Variants in RYR2 observed in about 807,000 individuals in gnomAD.
RYR2 encodes cardiac muscle ryanodine receptor-calcium release channel.
Under a neutral mutation model 601.1 loss-of-function variants are expected in RYR2, and 227 were observed. The observed-to-expected ratio is 0.38, with a 90% CI of 0.34 to 0.42. The LOEUF is 0.42. Ranked by LOEUF, RYR2 falls within the 10% of genes least tolerant of loss-of-function variation. The pLI, the probability that RYR2 is intolerant of heterozygous loss-of-function variation, is 1.00. For missense variants in RYR2, 4,646 were observed against 6,156.5 expected (o/e 0.75, Z 8.21); for synonymous variants, 2,223 against 2,175.1 (o/e 1.02, Z -0.61).
chr1:237,188,511 C>G (rs1056551507), intron 1 of RYR2, among the ~76,000 whole-genome samples: 6 of 152,102 alleles, frequency 3.9e-5, no homozygotes, highest in Non-Finnish European at 7.4e-5. Context: ...ACATGTAAAC[C>G]TCTGAGCTCA....
At chr1:237,669,835 TC>T (rs1684735956) in intron 58 of RYR2, among the ~76,000 whole-genome samples, 1 of 141,322 alleles carries the variant, frequency 7.1e-6, no homozygotes, top group South Asian at 2.3e-4. Context: ...GCTCCTCACA[TC>T]CCAGATGATG....
At chr1:237,398,059 G>A (rs187526655) in intron 10 of RYR2, among the ~76,000 whole-genome samples, 1 of 152,110 alleles carries the variant, frequency 6.6e-6, no homozygotes, top group African/African-American at 2.4e-5. Flanking sequence ...AGTCTGTTCT[G>A]TCAGTCTTCT....
chr1:237,106,424 G>A lies in RYR2; in HGVS notation c.48+63855G>A, dbSNP rs1029621854. Reference sequence around the variant, plus strand: ...TCCTCATGGTTCTGATGAGGGTTGAGAGAGAGAAGGGGAGTCCGGATCATC... The same window carrying A: ...TCCTCATGGTTCTGATGAGGGTTGAAAGAGAGAAGGGGAGTCCGGATCATC... On this transcript the variant is annotated intron_variant, in intron 1 of 104. Transcript: ENST00000366574. The surrounding 1 kb of genome is among the most constrained non-coding windows in gnomAD (Gnocchi z 4.4). 2.6e-5 allele frequency among the ~76,000 whole-genome samples: 4 copies of A among 152,164 alleles called. No homozygotes were observed. Among genetic ancestry groups the A allele is most frequent in the African/African-American group, 9.7e-5 (4 of 41,436 alleles).
chr1:237,373,216 T>C (rs559441218), intron 6 of RYR2, among the ~76,000 whole-genome samples: 2 of 152,336 alleles, frequency 1.3e-5, no homozygotes, highest in African/African-American at 4.8e-5. Flanking sequence ...CAGACTGACA[T>C]TTCTGCTGTG....
intron 34 of RYR2, 122 bp downstream of exon 34, chr1:237,595,779 A>C: frequency 3.3e-6 from 4 of 1,222,244 alleles, no homozygotes; most frequent in African/African-American, 1.5e-5. Context: ...CCCTGGTCTG[A>C]AAATCAGCCG....
chr1:237,826,162 T>C (rs1356406956), intron 101 of RYR2, among the ~76,000 whole-genome samples: 1 of 152,194 alleles, frequency 6.6e-6, no homozygotes, highest in East Asian at 1.9e-4. Flanking sequence ...ATCTTATTAC[T>C]GGGGATATAT....
chr1:237,408,262 T>C (rs1000022284), intron 10 of RYR2, among the ~76,000 whole-genome samples: 7 of 151,990 alleles, frequency 4.6e-5, no homozygotes, highest in African/African-American at 1.7e-4. Flanking sequence ...TCTAGATTAG[T>C]TTTTCTACAC....
At chr1:237,179,378 A>ATGTAATGCCCCAGCATCTCT (rs1259811394) in intron 1 of RYR2, among the ~76,000 whole-genome samples, 1 of 151,828 alleles carries the variant, frequency 6.6e-6, no homozygotes, top group Non-Finnish European at 1.5e-5. Context: ...CAAGAAATTC[A>ATGTAATGCCCCAGCATCTCT]GAAGTTAGTA....
chr1:237,417,270 T>C, intron 11 of RYR2, 147 bp downstream of exon 11: 1 of 630,644 alleles, frequency 1.6e-6, no homozygotes, highest in Non-Finnish European at 2.8e-6. Flanking sequence ...GTTTCTCTTT[T>C]GTCTATTTCC....
intron 4 of RYR2, among the ~76,000 whole-genome samples, chr1:237,363,965 TG>T (rs1048995562): frequency 1.2e-4 from 18 of 152,200 alleles, no homozygotes; most frequent in African/African-American, 4.3e-4. Flanking sequence ...GTTGGGTTGC[TG>T]TTTGTTTTTA....
intron 2 of RYR2, among the ~76,000 whole-genome samples, chr1:237,283,428 C>T (rs1185994297): frequency 2.0e-5 from 3 of 152,088 alleles, no homozygotes; most frequent in South Asian, 2.1e-4. Flanking sequence ...TTTACTTTGG[C>T]GTTTCTCAAA....
intron 1 of RYR2, among the ~76,000 whole-genome samples, chr1:237,065,704 C>G (rs1180997747): frequency 1.3e-5 from 2 of 152,098 alleles, no homozygotes; most frequent in African/African-American, 2.4e-5. Flanking sequence ...TTGTATTAGT[C>G]CGTTCTTGCA....
rs1573562261 is a variant in RYR2 at position 237,696,980 on chromosome 1, A to G, written c.9068-1985A>G. Among the ~76,000 whole-genome samples the G allele has an allele frequency of 2.6e-5, 4 of 152,116 alleles. 1 individual carries two copies. Among genetic ancestry groups the G allele is most frequent in the African/African-American group, 4.8e-5 (2 of 41,520 alleles). On this transcript the variant is annotated intron_variant, in intron 63 of 104. Coordinates refer to ENST00000366574, the MANE Select transcript of RYR2 (RefSeq NM_001035.3). ...GAAAATATAAATCGTATCATATCCC[A>G]TCCTGCTCAAAACCTAAGAATGTCT...
intron 42 of RYR2, among the ~76,000 whole-genome samples, chr1:237,632,388 T>G (rs1359663304): frequency 1.9e-5 from 2 of 105,700 alleles, no homozygotes; most frequent in Non-Finnish European, 3.7e-5. Flanking sequence ...TAAAGTGAAT[T>G]CTTTTTTTTT....
chr1:237,586,298 T>C (rs1674519432), intron 29 of RYR2, among the ~76,000 whole-genome samples: 1 of 152,228 alleles, frequency 6.6e-6, no homozygotes, highest in South Asian at 2.1e-4. Context: ...ACGTATTTAC[T>C]CCTGTGTATG....
At chr1:237,803,508 G>A (rs997558905) in intron 98 of RYR2, among the ~76,000 whole-genome samples, 4 of 152,140 alleles carry the variant, frequency 2.6e-5, no homozygotes, top group East Asian at 1.9e-4. Context: ...CACCATGTTA[G>A]CCAGGATGGT....
Position 237,793,850 on chromosome 1 carries a change from T to G in RYR2, c.13783-17T>G. ...TAAATCTAAACTAATTTTAACGTAT[T>G]TATTTTTCCTATGTAGGTCCCATTG... On this transcript the variant is annotated splice_polypyrimidine_tract_variant and intron_variant, in intron 94 of 104. Coordinates refer to ENST00000366574, the MANE Select transcript of RYR2 (RefSeq NM_001035.3). 1 of 1,585,680 alleles carries G rather than the reference T, an allele frequency of 6.3e-7. No individual in the cohort carries two copies. The highest frequency in any genetic ancestry group is 8.6e-7 in the Non-Finnish European group (1 of 1,158,328).
At chr1:237,305,239 C>A (rs1693757086) in intron 2 of RYR2, among the ~76,000 whole-genome samples, 1 of 152,100 alleles carries the variant, frequency 6.6e-6, no homozygotes, top group African/African-American at 2.4e-5. Context: ...GAAATAGCAG[C>A]AGACTGCAGA....
chr1:237,431,477 T>G (rs1167410225), intron 12 of RYR2, among the ~76,000 whole-genome samples: 1 of 152,252 alleles, frequency 6.6e-6, no homozygotes, highest in South Asian at 2.1e-4. Context: ...TTGGGCCTAA[T>G]TTTTATTTAA....
Sources: allele counts gnomAD v4.1 joint callset (sites outside exome capture counted in the v4.1 genomes callset), GRCh38; gene constraint gnomAD v4.1.1; non-coding constraint Gnocchi (gnomAD v3.1); transcripts MANE v1.5; gene names NCBI Gene and HGNC (gene_info 2026-07-23, HGNC 2026-07-21).